The following ZBTB7B variants were observed in gnomAD, a reference collection of about 807,000 sequenced individuals.
ZBTB7B encodes the protein zinc finger and BTB domain-containing protein 7B.
ZBTB7B carries 8 observed loss-of-function variants against 31.0 expected under a neutral mutation model. The ratio of observed to expected loss-of-function variants is 0.26; its 90% CI spans 0.15 to 0.47. The LOEUF is 0.47. ZBTB7B is among the 20% of genes least tolerant of loss of function. ZBTB7B has a pLI of 0.99. For missense variants in ZBTB7B, 494 were observed against 742.4 expected (o/e 0.67, Z 3.89); for synonymous variants, 261 against 307.3 (o/e 0.85, Z 1.58).
intron 1 of ZBTB7B, among the ~76,000 whole-genome samples, chr1:155,013,227 A>G (rs1571522965): frequency 1.3e-5 from 2 of 152,194 alleles, no homozygotes; most frequent in Non-Finnish European, 1.5e-5. Flanking sequence ...CAGATGAGGA[A>G]GGCGGCTCAG....
In ZBTB7B at chr1:155,017,357, AGAGGGGCCCCGCCCAGCTAGGG is replaced by A. The variant is rs1489780542; in HGVS notation, c.*676_*697del. The A allele has an allele frequency of 6.6e-6, 1 of 152,332 alleles. No homozygotes were observed. The highest frequency in any genetic ancestry group is 1.5e-5 in the Non-Finnish European group (1 of 68,284). The allele number at this position is 152,332 out of a possible 1,614,324, so 9.4% of individuals were successfully genotyped here. A position where few individuals can be genotyped will look rare whatever the true frequency, so the allele number is the denominator to read the frequency against. On this transcript the variant is annotated 3_prime_UTR_variant, in exon 3 of 3. Coordinates refer to ENST00000535420, the MANE Select transcript of ZBTB7B (RefSeq NM_001256455.2). ...TGGCTCGCCTGCCCCTGGGGGCAGT[AGAGGGGCCCCGCCCAGCTAGGG>A]GAGCCGCTCCGTTCCACTCCCCTCC...
In ZBTB7B at chr1:155,015,519, G is replaced by C; in HGVS notation, c.859G>C (p.Ala287Pro). 1 of 1,613,948 alleles carries C rather than the reference G, an allele frequency of 6.2e-7. No homozygotes were observed. The highest frequency in any genetic ancestry group is 1.1e-5 in the South Asian group (1 of 91,052). Reference protein sequence around the residue: ...EEEEELVYPPAYGLAQGGGPP... With the variant: ...EEEEELVYPPPYGLAQGGGPP... Reference sequence around the variant, plus strand: ...AGAAGAGGAGCTGGTATATCCCCCAGCCTATGGGCTGGCGCAGGGTGGCGG... The same window carrying C: ...AGAAGAGGAGCTGGTATATCCCCCACCCTATGGGCTGGCGCAGGGTGGCGG... Residue 287 changes from alanine (A) to proline (P), a missense_variant, in exon 2 of 3, where the codon GCC becomes CCC. Ala to Pro is a conservative substitution (Grantham distance 27, BLOSUM62 -1). Coordinates refer to ENST00000535420, the MANE Select transcript of ZBTB7B (RefSeq NM_001256455.2).
intron 1 of ZBTB7B, chr1:155,014,181 G>A (rs1215397330): frequency 5.4e-6 from 4 of 743,696 alleles, no homozygotes; most frequent in Admixed American, 1.2e-4. Context: ...AATGACTGAG[G>A]CCAGCTGCCA....
At chr1:155,014,533 A>G in intron 1 of ZBTB7B, 122 bp from the exon 2 acceptor site, 1 of 813,840 alleles carries the variant, frequency 1.2e-6, no homozygotes, top group Non-Finnish European at 2.0e-6. Context: ...ATGAGTGTAA[A>G]GTACTCAGAA....
rs1658361805 is a variant in ZBTB7B, at chr1:155,003,396, G to C, written c.-7+453G>C. 6.6e-6 allele frequency among the ~76,000 whole-genome samples: 1 copy of C among 152,192 alleles called. No individual in the cohort carries two copies. Among genetic ancestry groups the C allele is most frequent in the Non-Finnish European group, 1.5e-5 (1 of 68,026 alleles). The stretch of plus-strand genomic sequence containing the variant: ...CCGCGCCCCCTGGCGCGGTGGATTG[G>C]CCCCAGGCCAGTTGCATGGGGGTTG... On this transcript the variant is annotated intron_variant, in intron 1 of 2. Transcript: ENST00000535420. The surrounding 1 kb of genome is among the most constrained non-coding windows in gnomAD (Gnocchi z 5.8).
chr1:155,007,549 G>A (rs1054415250), intron 1 of ZBTB7B, among the ~76,000 whole-genome samples: 1 of 152,210 alleles, frequency 6.6e-6, no homozygotes, highest in African/African-American at 2.4e-5. Context: ...GCTGTCCATT[G>A]CCTCCTAGGC....
Position 155,016,845 on chromosome 1 carries a change from A to C in ZBTB7B, c.*160A>C. 1.7e-6 allele frequency: 1 copy of C among 586,380 alleles called. No individual in the cohort carries two copies. The highest frequency in any genetic ancestry group is 3.0e-6 in the Non-Finnish European group (1 of 330,784). 36.3% of individuals were successfully genotyped at this position (586,380 alleles called of 1,614,324 possible). ...GAGCCCTCATTCCAATTCCAAGCTA[A>C]GAAGGTATTGGGGCAGAGGCTCCCC... On this transcript the variant is annotated 3_prime_UTR_variant, in exon 3 of 3. Coordinates refer to ENST00000535420, the MANE Select transcript of ZBTB7B (RefSeq NM_001256455.2). This position sits in a 1 kb window ranked among gnomAD's most constrained non-coding sequence, Gnocchi z 4.3.
chr1:155,008,206 C>T (rs1480477164), intron 1 of ZBTB7B, among the ~76,000 whole-genome samples: 1 of 152,190 alleles, frequency 6.6e-6, no homozygotes, highest in African/African-American at 2.4e-5. Context: ...CCCTGATCCC[C>T]CTGGCTATTG....
intron 1 of ZBTB7B, chr1:155,010,186 A>G (rs1382242404): frequency 6.6e-6 from 1 of 152,606 alleles, no homozygotes; most frequent in East Asian, 1.9e-4. Flanking sequence ...GATGGGGACT[A>G]AGGGGCTATG....
chr1:155,007,289 C>T (rs1658614312), intron 1 of ZBTB7B, among the ~76,000 whole-genome samples: 1 of 152,198 alleles, frequency 6.6e-6, no homozygotes, highest in South Asian at 2.1e-4. Context: ...AACAGAGGGG[C>T]CCCATGAACT....
rs1659620167 is a variant in ZBTB7B at position 155,018,351 on chromosome 1, G to A, written c.*1666G>A. 1 of 622,546 alleles carries A rather than the reference G, an allele frequency of 1.6e-6. No homozygotes were observed. Among genetic ancestry groups the A allele is most frequent in the African/African-American group, 1.8e-5 (1 of 54,128 alleles). 38.6% of individuals were successfully genotyped at this position (622,546 alleles called of 1,614,324 possible). A position where few individuals can be genotyped will look rare whatever the true frequency, so the allele number is the denominator to read the frequency against. On this transcript the variant is annotated 3_prime_UTR_variant, in exon 3 of 3. Coordinates refer to ENST00000535420, the MANE Select transcript of ZBTB7B (RefSeq NM_001256455.2). ...GGAGCCCAGGGCTGGGGAGACCTGG[G>A]GCCCAGCCCCAGAAAGTGGGGACAA... is the stretch of plus-strand genomic sequence containing the variant.
intron 1 of ZBTB7B, 147 bp from the exon 2 acceptor site, chr1:155,014,508 G>A: frequency 1.4e-6 from 1 of 695,464 alleles, no homozygotes; most frequent in Admixed American, 2.9e-5. Flanking sequence ...ACTTCAGAGG[G>A]TTCTGGAAGA....
In ZBTB7B at chr1:155,015,641, A is replaced by G; in HGVS notation, c.981A>G (p.Ala327=). Residue 327 remains alanine, a synonymous_variant, in exon 2 of 3, where the codon GCA becomes GCG. Transcript: ENST00000535420. ...GCTCCCTGCACCAGGACAACCTGGC[A>G]CCAGGCCTGGACAGCCAAGACAAGC... ...YLSSLHQDNL[A]PGLDSQDKLV... is the part of the protein sequence containing the mutation. 2 of 1,613,492 alleles carry G rather than the reference A, an allele frequency of 1.2e-6. No individual in the cohort carries two copies. The highest frequency in any genetic ancestry group is 1.7e-6 in the Non-Finnish European group (2 of 1,179,992).
upstream of ZBTB7B, chr1:155,002,531 G>A (rs1341118228): frequency 7.8e-6 from 1 of 128,886 alleles, no homozygotes; most frequent in Non-Finnish European, 1.7e-5. Context: ...ATTGGGCGGA[G>A]GGAGGGGGCC....
rs1417114412 is a variant in ZBTB7B, at chr1:155,016,787, C to A, written c.*102C>A. The A allele has an allele frequency of 2.9e-6, 2 of 685,220 alleles. No individual in the cohort carries two copies. Among genetic ancestry groups the A allele is most frequent in the Non-Finnish European group, 2.5e-6 (1 of 406,156 alleles). The allele number at this position is 685,220 out of a possible 1,614,324, so 42.4% of individuals were successfully genotyped here. On this transcript the variant is annotated 3_prime_UTR_variant, in exon 3 of 3. Transcript: ENST00000535420. This position sits in a 1 kb window ranked among gnomAD's most constrained non-coding sequence, Gnocchi z 4.3. ...CACAGCAGGGGTCTGGGGCACGGAG[C>A]CTTGCTGGCATCAGCATCAGCCCTT... is the stretch of plus-strand genomic sequence containing the variant.
rs1487837815 is a variant in ZBTB7B at position 155,018,462 on chromosome 1, CA to C, written c.*1778del. Reference sequence around the variant, plus strand: ...TCCCCCCCTCCTATTCCCTTCCCCCCACCCCAACTCCCCCACCTCGGGTGTA... The same window carrying C: ...TCCCCCCCTCCTATTCCCTTCCCCCCCCCCAACTCCCCCACCTCGGGTGTA... On this transcript the variant is annotated 3_prime_UTR_variant, in exon 3 of 3. Transcript: ENST00000535420. The C allele has an allele frequency of 4.3e-6, 6 of 1,392,618 alleles. No individual in the cohort carries two copies. The highest frequency in any genetic ancestry group is 4.9e-6 in the Non-Finnish European group (5 of 1,020,904). The allele number at this position is 1,392,618 out of a possible 1,614,324, so 86.3% of individuals were successfully genotyped here.
chr1:155,008,099 T>C (rs574006846), intron 1 of ZBTB7B, among the ~76,000 whole-genome samples: 1 of 152,246 alleles, frequency 6.6e-6, no homozygotes, highest in African/African-American at 2.4e-5. Flanking sequence ...GGGGTGGGGC[T>C]AGGCGCTTCC....
intron 1 of ZBTB7B, among the ~76,000 whole-genome samples, chr1:155,014,261 G>A (rs1659197010): frequency 6.6e-6 from 1 of 152,194 alleles, no homozygotes; most frequent in African/African-American, 2.4e-5. Flanking sequence ...CTATCTCCCA[G>A]TCCACTGCTC....
At chr1:155,006,454 C>A (rs771089382) in intron 1 of ZBTB7B, among the ~76,000 whole-genome samples, 1 of 152,234 alleles carries the variant, frequency 6.6e-6, no homozygotes. Flanking sequence ...AGAACCAGGT[C>A]AGCCTTCAGA....
Sources: allele counts gnomAD v4.1 joint callset (sites outside exome capture counted in the v4.1 genomes callset), GRCh38; gene constraint gnomAD v4.1.1; non-coding constraint Gnocchi (gnomAD v3.1); transcripts MANE v1.5; gene names NCBI Gene and HGNC (gene_info 2026-07-23, HGNC 2026-07-21).